Variants in NRXN3 observed in about 807,000 individuals in gnomAD.
NRXN3 encodes neurexin III.
Under a neutral mutation model 137.6 loss-of-function variants are expected in NRXN3, and 32 were observed. The ratio of observed to expected loss-of-function variants is 0.23; its 90% CI spans 0.18 to 0.31. The LOEUF (loss-of-function observed/expected upper bound fraction) is 0.31. Ranked by LOEUF, NRXN3 falls within the 10% of genes least tolerant of loss-of-function variation. The pLI is 1.00. For synonymous variants in NRXN3, 798 were observed against 784.5 expected (o/e 1.02, Z -0.29); for missense variants, 1,574 against 2,062.5 (o/e 0.76, Z 4.59).
intron 16 of NRXN3, among the ~76,000 whole-genome samples, chr14:79,591,850 G>A (rs17764119): frequency 0.023 from 3,452 of 152,170 alleles, 76 homozygotes; most frequent in Middle Eastern, 0.065. Context: ...TGATAGACCC[G>A]ATTTCTTACA....
chr14:79,376,267 C>G (rs61993075), intron 15 of NRXN3, among the ~76,000 whole-genome samples: 2 of 47,444 alleles, frequency 4.2e-5, no homozygotes, highest in South Asian at 1.3e-3. Flanking sequence ...TATATATATA[C>G]ACATACATAT....
At chr14:78,977,436 G>C (rs2099471770) in intron 14 of NRXN3, among the ~76,000 whole-genome samples, 1 of 152,020 alleles carries the variant, frequency 6.6e-6, no homozygotes, top group Non-Finnish European at 1.5e-5. Context: ...CACTGCCCCA[G>C]CAGACCCCTA....
intron 15 of NRXN3, among the ~76,000 whole-genome samples, chr14:79,250,002 C>CCAAT (rs2075718207): frequency 6.6e-6 from 1 of 152,136 alleles, no homozygotes; most frequent in Non-Finnish European, 1.5e-5. Flanking sequence ...GCACTAATAA[C>CCAAT]CAATCAGTAT....
chr14:78,505,619 C>A (rs190177331), intron 4 of NRXN3, among the ~76,000 whole-genome samples: 1 of 152,008 alleles, frequency 6.6e-6, no homozygotes, highest in African/African-American at 2.4e-5. Context: ...GCATTGTATA[C>A]GTGTCAAAAG....
chr14:79,136,608 T>A (rs1337510136), intron 15 of NRXN3, among the ~76,000 whole-genome samples: 3 of 152,174 alleles, frequency 2.0e-5, no homozygotes, highest in Non-Finnish European at 4.4e-5. Context: ...CATTCACAGC[T>A]GACAATTGCT....
intron 9 of NRXN3, among the ~76,000 whole-genome samples, chr14:78,806,299 C>T (rs1238972067): frequency 6.6e-6 from 1 of 152,186 alleles, no homozygotes; most frequent in Non-Finnish European, 1.5e-5. Flanking sequence ...AAATGCAGCT[C>T]TTCATATCCA....
chr14:78,208,103 G>A (rs895554602), intron 1 of NRXN3, among the ~76,000 whole-genome samples: 3 of 152,148 alleles, frequency 2.0e-5, no homozygotes, highest in African/African-American at 4.8e-5. Flanking sequence ...TAAAATGGGC[G>A]ATAATATTAA....
At chr14:79,689,945 T>G (rs926604366) in intron 17 of NRXN3, among the ~76,000 whole-genome samples, 2 of 152,188 alleles carry the variant, frequency 1.3e-5, no homozygotes, top group Non-Finnish European at 1.5e-5. Context: ...CTAAGAATAT[T>G]TAGCTTTATA....
intron 4 of NRXN3, among the ~76,000 whole-genome samples, chr14:78,553,155 G>A (rs567640144): frequency 2.3e-4 from 35 of 151,724 alleles, no homozygotes; most frequent in Non-Finnish European, 4.6e-4. Flanking sequence ...TTATTTTTTT[G>A]AATTTTGGCT....
chr14:78,352,362 G>T (rs533611227), intron 4 of NRXN3, among the ~76,000 whole-genome samples: 8 of 152,088 alleles, frequency 5.3e-5, no homozygotes, highest in Non-Finnish European at 1.2e-4. Context: ...TCTCTGGAAG[G>T]TCTCTTTCCT....
At chr14:78,725,872 G>A (rs1003761799) in intron 8 of NRXN3, among the ~76,000 whole-genome samples, 2 of 152,234 alleles carry the variant, frequency 1.3e-5, no homozygotes, top group African/African-American at 4.8e-5. Flanking sequence ...GCTTAGCAGT[G>A]GTTAGCTTAT....
intron 19 of NRXN3, among the ~76,000 whole-genome samples, chr14:79,774,272 A>T (rs1366477828): frequency 6.6e-6 from 1 of 152,112 alleles, no homozygotes; most frequent in African/African-American, 2.4e-5. Flanking sequence ...ATCTGAAGTG[A>T]CAATGGTATA....
rs527295092 is a variant in NRXN3 at position 78,629,443 on chromosome 14, G to A, written c.758-15677G>A. Among the ~76,000 whole-genome samples, 3 of 152,328 alleles carry A rather than the reference G, an allele frequency of 2.0e-5. No homozygotes were observed. The East Asian group carries it at 5.8e-4, about 29-fold the overall frequency. On this transcript the variant is annotated intron_variant, in intron 4 of 20. Transcript: ENST00000335750. ...TGGTTGAAGCAGAGTTAGGAGGGTAGCATGGAGGGGAAGGAGGAATGAGCA... is the reference window on the plus strand; with the variant it reads ...TGGTTGAAGCAGAGTTAGGAGGGTAACATGGAGGGGAAGGAGGAATGAGCA...
intron 15 of NRXN3, among the ~76,000 whole-genome samples, chr14:79,447,711 TTACA>T (rs2096086700): frequency 6.6e-6 from 1 of 152,224 alleles, no homozygotes; most frequent in Non-Finnish European, 1.5e-5. Flanking sequence ...GGAAGTGCTT[TTACA>T]CCTTTTGAGC....
At chr14:79,594,204 A>G (rs1287975073) in intron 16 of NRXN3, among the ~76,000 whole-genome samples, 4 of 152,204 alleles carry the variant, frequency 2.6e-5, no homozygotes, top group Non-Finnish European at 5.9e-5. Flanking sequence ...GTCTAAGTAT[A>G]TCTAAAGTAG....
chr14:79,210,837 T>C (rs775107820), intron 15 of NRXN3, among the ~76,000 whole-genome samples: 1 of 152,130 alleles, frequency 6.6e-6, no homozygotes, highest in African/African-American at 2.4e-5. Context: ...TCGTAGTATT[T>C]GGTGGGATTG....
intron 19 of NRXN3, among the ~76,000 whole-genome samples, chr14:79,750,806 T>A (rs942774361): frequency 6.6e-6 from 1 of 152,154 alleles, no homozygotes; most frequent in Non-Finnish European, 1.5e-5. Context: ...TGATACTATT[T>A]TCTACCTGTT....
intron 15 of NRXN3, among the ~76,000 whole-genome samples, chr14:79,005,204 C>T (rs74851904): frequency 0.018 from 2,667 of 152,276 alleles, 79 homozygotes; most frequent in African/African-American, 0.059. Flanking sequence ...CCCACTAATA[C>T]GCAGGAGCTC....
At chr14:78,851,702 G>A (rs540718675) in intron 10 of NRXN3, among the ~76,000 whole-genome samples, 1 of 152,254 alleles carries the variant, frequency 6.6e-6, no homozygotes, top group African/African-American at 2.4e-5. Context: ...TCAGATGGAA[G>A]GAAACAACGA....
Sources: allele counts gnomAD v4.1 joint callset (sites outside exome capture counted in the v4.1 genomes callset), GRCh38; gene constraint gnomAD v4.1.1; transcripts MANE v1.5; gene names NCBI Gene and HGNC (gene_info 2026-07-23, HGNC 2026-07-21).